AGTPBP1: variants seen among roughly 807,000 people sequenced by gnomAD.
The protein encoded by AGTPBP1 is ATP/GTP binding carboxypeptidase 1.
Under a neutral mutation model 143.9 loss-of-function variants are expected in AGTPBP1, and 70 were observed. That is an observed-to-expected ratio of 0.49 (90% confidence interval 0.40 to 0.59). AGTPBP1 has a LOEUF of 0.59. AGTPBP1 is among the 20% of genes least tolerant of loss of function. The pLI, the probability that AGTPBP1 is intolerant of heterozygous loss-of-function variation, is 0.00. For missense variants in AGTPBP1, 1,229 were observed against 1,464.5 expected (o/e 0.84, Z 2.62); for synonymous variants, 463 against 500.2 (o/e 0.93, Z 0.99).
At chr9:85,683,602 T>C (rs901710976) in intron 3 of AGTPBP1, among the ~76,000 whole-genome samples, 1 of 152,174 alleles carries the variant, frequency 6.6e-6, no homozygotes, top group African/African-American at 2.4e-5. Context: ...GCCACAATCT[T>C]GGGAGACTTC....
At chr9:85,631,371 G>A (rs780158887) in intron 14 of AGTPBP1, among the ~76,000 whole-genome samples, 2 of 152,230 alleles carry the variant, frequency 1.3e-5, no homozygotes, top group East Asian at 3.8e-4. Flanking sequence ...ACTGCATGCT[G>A]CAAGATGGCA....
At position 85,632,768 on chromosome 9, in the gene AGTPBP1, T is replaced by A. The variant is rs1235291992; in HGVS notation, c.1909A>T (p.Thr637Ser). The A allele has an allele frequency of 6.2e-7, 1 of 1,614,162 alleles. No individual in the cohort carries two copies. The highest frequency in any genetic ancestry group is 1.3e-5 in the African/African-American group (1 of 75,046). The change falls in exon 14 of 26, where the codon ACG (threonine) becomes TCG (serine). Residue 637 changes from threonine to serine, a missense_variant. By Grantham distance (58) the Thr-to-Ser change is moderately conservative (BLOSUM62 1). Transcript: ENST00000357081. ...PDLYIEIVKN[T>S]KSVPEYSEVA... ...TCTGAATATTCTGGGACAGACTTCG[T>A]ATTTTTCACAATCTCAATATAGAGG...
chr9:85,728,360 A>G (rs868718719), intron 1 of AGTPBP1, among the ~76,000 whole-genome samples: 4 of 152,148 alleles, frequency 2.6e-5, no homozygotes, highest in Non-Finnish European at 4.4e-5. Flanking sequence ...CTTCCTCCTC[A>G]CTGATTATAC....
At chr9:85,788,387 T>G in the AGTPBP1 span, among the ~76,000 whole-genome samples, 7 of 149,086 alleles carry the variant, frequency 4.7e-5, no homozygotes, top group African/African-American at 1.7e-4. Flanking sequence ...CACTGACCTT[T>G]TGCCATTATT....
chr9:85,803,960 T>C, the AGTPBP1 span, among the ~76,000 whole-genome samples: 3 of 152,200 alleles, frequency 2.0e-5, no homozygotes, highest in African/African-American at 7.2e-5. Flanking sequence ...TAGCAAATTC[T>C]ATAGATTCTG....
At chr9:85,740,096 T>C (rs1412437978) in intron 1 of AGTPBP1, among the ~76,000 whole-genome samples, 2 of 152,226 alleles carry the variant, frequency 1.3e-5, no homozygotes, top group African/African-American at 4.8e-5. Context: ...CATTATTATA[T>C]AGCAGCCTAG....
the AGTPBP1 span, among the ~76,000 whole-genome samples, chr9:85,753,068 GCC>G: frequency 3.9e-5 from 6 of 151,986 alleles, no homozygotes; most frequent in East Asian, 7.7e-4. Flanking sequence ...CTCAAATAGA[GCC>G]CCAACTGTCA....
chr9:85,633,120 A>C lies in AGTPBP1; in HGVS notation c.1557T>G (p.Thr519=), dbSNP rs1398836347. 1 of 1,614,130 alleles carries C rather than the reference A, an allele frequency of 6.2e-7. No individual in the cohort carries two copies. The change falls in exon 14 of 26, where the codon ACT becomes ACG. Residue 519 remains threonine, a synonymous_variant. Coordinates refer to ENST00000357081, the MANE Select transcript of AGTPBP1 (RefSeq NM_001330701.2). ...TGTTTAAACCATGGACTGATGAAAT[A>C]GTTCTATTTTGATCACCTGGCTGCT... ...LQQQPGDQNR[T]ISSVHGLNND... is the part of the protein sequence containing the mutation.
chr9:85,585,183 G>A (rs538434063), intron 23 of AGTPBP1, among the ~76,000 whole-genome samples: 1 of 152,282 alleles, frequency 6.6e-6, no homozygotes, highest in East Asian at 1.9e-4. Context: ...GTATGTAACA[G>A]ATGGCATCAT....
intron 1 of AGTPBP1, among the ~76,000 whole-genome samples, chr9:85,714,628 C>T (rs1837585409): frequency 6.6e-6 from 1 of 152,090 alleles, no homozygotes; most frequent in African/African-American, 2.4e-5. Flanking sequence ...CATAATCTCA[C>T]ACTGAAGATT....
At chr9:85,684,856 T>G (rs1481984814) in intron 3 of AGTPBP1, among the ~76,000 whole-genome samples, 2 of 151,996 alleles carry the variant, frequency 1.3e-5, no homozygotes, top group African/African-American at 4.8e-5. Flanking sequence ...ACAAGAACTT[T>G]AAAGCAGCTA....
At chr9:85,639,206 A>ATTTTT (rs1477967286) in intron 13 of AGTPBP1, among the ~76,000 whole-genome samples, 8 of 152,166 alleles carry the variant, frequency 5.3e-5, no homozygotes, top group Non-Finnish European at 8.8e-5. Flanking sequence ...CTTTTTTAAA[A>ATTTTT]AACCAATGAA....
rs1191062663 is a variant in AGTPBP1, at chr9:85,592,674, T to C, written c.2454A>G (p.Ala818=). 2 of 1,610,990 alleles carry C rather than the reference T, an allele frequency of 1.2e-6. No individual in the cohort carries two copies. Among genetic ancestry groups the C allele is most frequent in the Non-Finnish European group, 1.7e-6 (2 of 1,178,966 alleles). ...KNHFSRSSVA[A]GGQKGKSYYT... is the part of the protein sequence containing the mutation. Reference sequence around the variant, plus strand: ...AGTAGGATTTTCCCTTTTGCCCACCTGCAGCAACTGAACTTCTTGAGAAAT... The same window carrying C: ...AGTAGGATTTTCCCTTTTGCCCACCCGCAGCAACTGAACTTCTTGAGAAAT... Residue 818 remains alanine, a synonymous_variant, in exon 19 of 26, where the codon GCA becomes GCG. Transcript: ENST00000357081.
chr9:85,673,764 C>G (rs527426679), intron 6 of AGTPBP1, among the ~76,000 whole-genome samples: 1 of 152,022 alleles, frequency 6.6e-6, no homozygotes, highest in African/African-American at 2.4e-5. Context: ...CTATACAATA[C>G]TACATGTAAG....
At chr9:85,770,713 A>T in the AGTPBP1 span, among the ~76,000 whole-genome samples, 5 of 152,178 alleles carry the variant, frequency 3.3e-5, no homozygotes, top group African/African-American at 1.2e-4. Flanking sequence ...TTAAAGTTGG[A>T]GGGCCTTTCA....
chr9:85,756,192 A>C, the AGTPBP1 span: 3 of 1,610,272 alleles, frequency 1.9e-6, no homozygotes, highest in Non-Finnish European at 2.5e-6. Flanking sequence ...GTTTCTAAGA[A>C]GGAGGCTCTG....
At chr9:85,581,174 G>A (rs1439623095) in intron 23 of AGTPBP1, among the ~76,000 whole-genome samples, 1 of 152,230 alleles carries the variant, frequency 6.6e-6, no homozygotes, top group Non-Finnish European at 1.5e-5. Flanking sequence ...GCTAAGAGCT[G>A]CAGTAGGTTA....
At chr9:85,737,390 T>G (rs1823873181) in intron 1 of AGTPBP1, among the ~76,000 whole-genome samples, 1 of 152,202 alleles carries the variant, frequency 6.6e-6, no homozygotes, top group South Asian at 2.1e-4. Context: ...GGCAGAGGTT[T>G]TCTCAGAAAT....
the AGTPBP1 span, among the ~76,000 whole-genome samples, chr9:85,754,458 A>G: frequency 1.3e-5 from 2 of 152,226 alleles, no homozygotes; most frequent in Non-Finnish European, 2.9e-5. Flanking sequence ...CTGGGATTAC[A>G]GGTGTGAGCC....
Sources: allele counts gnomAD v4.1 joint callset (sites outside exome capture counted in the v4.1 genomes callset), GRCh38; gene constraint gnomAD v4.1.1; transcripts MANE v1.5; gene names NCBI Gene and HGNC (gene_info 2026-07-23, HGNC 2026-07-21).